The following NUP160 variants were observed in gnomAD, a reference collection of about 807,000 sequenced individuals.
NUP160 encodes nucleoporin 160.
In NUP160, 94 loss-of-function variants were observed where a neutral mutation model predicts 196.9. The ratio of observed to expected loss-of-function variants is 0.48; its 90% CI spans 0.40 to 0.57. The LOEUF (loss-of-function observed/expected upper bound fraction) is 0.57, where lower values mean the gene tolerates loss of function less well. NUP160 is among the 20% of genes least tolerant of loss of function. The pLI is 0.00. For synonymous variants in NUP160, 605 were observed against 619.7 expected (o/e 0.98, Z 0.35); for missense variants, 1,638 against 1,748.3 (o/e 0.94, Z 1.13).
At chr11:47,781,265 ACTTT>A (rs893544825) in intron 34 of NUP160, among the ~76,000 whole-genome samples, 50 of 151,444 alleles carry the variant, frequency 3.3e-4, no homozygotes, top group African/African-American at 2.7e-4. Context: ...TTTCATGTCA[ACTTT>A]CTTTTTTTTT....
rs144668213 is a variant in NUP160, at chr11:47,825,128, G to A, written c.1102-2964C>T. On this transcript the variant is annotated intron_variant, in intron 7 of 35. Coordinates refer to ENST00000378460, the Ensembl canonical transcript of NUP160. The stretch of plus-strand genomic sequence containing the variant: ...GGGATTACAGGCATGAGCCAACCGC[G>A]CCCAGCCGGACTTTTATTTTTTGTA... 2.3e-3 allele frequency among the ~76,000 whole-genome samples: 353 copies of A among 151,576 alleles called. 2 individuals carry two copies. The highest frequency in any genetic ancestry group is 8.0e-3 in the African/African-American group (331 of 41,332).
chr11:47,837,960 G>A (rs1852208458), intron 4 of NUP160, among the ~76,000 whole-genome samples: 1 of 152,192 alleles, frequency 6.6e-6, no homozygotes, highest in Non-Finnish European at 1.5e-5. Context: ...TAGTGACATA[G>A]CAGTAAACAA....
chr11:47,812,128 G>A (rs1391354560), exon 17 of NUP160: 6 of 1,614,112 alleles, frequency 3.7e-6, no homozygotes, highest in Non-Finnish European at 5.1e-6. Context: ...CAGGAAACGA[G>A]TACTGGCGAT....
intron 34 of NUP160, 91 bp from the exon 35 acceptor site, chr11:47,780,538 CCCT>C: frequency 1.5e-5 from 9 of 614,128 alleles, no homozygotes; most frequent in Non-Finnish European, 2.3e-5. Context: ...GAATAAAATA[CCCT>C]TTTTTTTTTT....
At chr11:47,825,059 T>C in intron 7 of NUP160, among the ~76,000 whole-genome samples, 1 of 152,058 alleles carries the variant, frequency 6.6e-6, no homozygotes, top group East Asian at 1.9e-4. Flanking sequence ...ATAGTCTCGA[T>C]CTTCTGACCT....
chr11:47,779,253 G>T, intron 35 of NUP160, 59 bp from the exon 36 acceptor site: 1 of 1,128,458 alleles, frequency 8.9e-7, no homozygotes, highest in Non-Finnish European at 1.3e-6. Flanking sequence ...AAATATTGAA[G>T]TTATTAATAA....
At chr11:47,785,582 T>C (rs2097664067) in intron 32 of NUP160, among the ~76,000 whole-genome samples, 1 of 152,216 alleles carries the variant, frequency 6.6e-6, no homozygotes, top group South Asian at 2.1e-4. Flanking sequence ...TATTTAGTAT[T>C]TAGTAAACAA....
exon 24 of NUP160, chr11:47,798,452 T>C: frequency 1.3e-6 from 2 of 1,585,294 alleles, no homozygotes; most frequent in African/African-American, 1.3e-5. Flanking sequence ...TGACATCTAG[T>C]AGTCGTAAAA....
Position 47,786,666 on chromosome 11 carries a change from A to C in NUP160, c.3747-112T>G. On this transcript the variant is annotated intron_variant, in intron 31 of 35. Transcript: ENST00000378460. ...AACTTCATCTCTAGTCTTTTGCTGA[A>C]TTCACTACTGGAATATTGGCTCATC... is the stretch of plus-strand genomic sequence containing the variant. 4 of 678,360 alleles carry C rather than the reference A, an allele frequency of 5.9e-6. No homozygotes were observed. In the South Asian group the frequency reaches 6.8e-5, roughly 12 times the overall value. 42.0% of individuals were successfully genotyped at this position (678,360 alleles called of 1,614,324 possible). A position where few individuals can be genotyped will look rare whatever the true frequency, so the allele number is the denominator to read the frequency against.
chr11:47,806,096 G>A, intron 20 of NUP160, 57 bp downstream of exon 20: 1 of 1,545,804 alleles, frequency 6.5e-7, no homozygotes, highest in South Asian at 1.1e-5. Context: ...TTACAGGTGT[G>A]AGCCAACATG....
At chr11:47,847,648 T>TGGGGGGG (rs56283744) in intron 2 of NUP160, among the ~76,000 whole-genome samples, 200 bp downstream of exon 2, 479 of 77,274 alleles carry the variant, frequency 6.2e-3, no homozygotes, top group Non-Finnish European at 8.0e-3. Flanking sequence ...TGTGTGGGGG[T>TGGGGGGG]GGGGGGGGGG....
At chr11:47,811,991 ATTT>A in intron 17 of NUP160, 70 bp downstream of exon 17, 1 of 1,413,314 alleles carries the variant, frequency 7.1e-7, no homozygotes, top group Non-Finnish European at 9.9e-7. Context: ...TAGGGCTGAC[ATTT>A]TGCTCCTAAG....
At chr11:47,815,720 T>A in intron 12 of NUP160, 71 bp from the exon 13 acceptor site, 1 of 1,314,876 alleles carries the variant, frequency 7.6e-7, no homozygotes, top group Non-Finnish European at 1.1e-6. Context: ...AAAAACATAA[T>A]TGTCCAATAT....
At position 47,788,708 on chromosome 11, in the gene NUP160, A is replaced by G. The variant is rs962936688; in HGVS notation, c.3512-97T>C. The stretch of plus-strand genomic sequence containing the variant: ...CAATTTCCACTGAACATTAAGTAAC[A>G]TTCAATCTAATTTCCAAATGCATGA... On this transcript the variant is annotated intron_variant, in intron 29 of 35. Transcript: ENST00000378460. 1.1e-5 allele frequency: 8 copies of G among 711,240 alleles called. No homozygotes were observed. The African/African-American group carries it at 1.4e-4, about 13-fold the overall frequency. The allele number at this position is 711,240 out of a possible 1,614,324, so 44.1% of individuals were successfully genotyped here.
At chr11:47,802,906 G>T (rs2097675071) in intron 22 of NUP160, among the ~76,000 whole-genome samples, 1 of 152,090 alleles carries the variant, frequency 6.6e-6, no homozygotes, top group South Asian at 2.1e-4. Flanking sequence ...AATCACTTGA[G>T]CCCAGGAGGT....
chr11:47,817,449 T>G (rs1340836404), intron 11 of NUP160, among the ~76,000 whole-genome samples: 1 of 151,698 alleles, frequency 6.6e-6, no homozygotes, highest in Admixed American at 6.6e-5. Context: ...TTCAAGAGAT[T>G]AATTCTTCTG....
chr11:47,813,076 G>A (rs750033636), intron 14 of NUP160, 29 bp from the exon 15 acceptor site: 1 of 1,478,128 alleles, frequency 6.8e-7, no homozygotes. Flanking sequence ...TAACATTTAT[G>A]TCTTAAGCCA....
chr11:47,846,375 G>A lies in NUP160; in HGVS notation c.314+1473C>T, dbSNP rs147544934. 3.0e-4 allele frequency among the ~76,000 whole-genome samples: 45 copies of A among 152,184 alleles called. 4 individuals carry two copies. In the East Asian group the frequency reaches 8.5e-3, roughly 29 times the overall value. On this transcript the variant is annotated intron_variant, in intron 2 of 35. Coordinates refer to ENST00000378460, the Ensembl canonical transcript of NUP160. ...AATGCCTACTTGACATTTCCAAAGG[G>A]CTGCTCCCCAGGTACTTCAAATTTA...
At chr11:47,833,931 T>C (rs1035347013) in intron 7 of NUP160, among the ~76,000 whole-genome samples, 1 of 152,252 alleles carries the variant, frequency 6.6e-6, no homozygotes, top group African/African-American at 2.4e-5. Flanking sequence ...CTTCACTCCA[T>C]GTGCCTTTTC....
Sources: allele counts gnomAD v4.1 joint callset (sites outside exome capture counted in the v4.1 genomes callset), GRCh38; gene constraint gnomAD v4.1.1; transcripts MANE v1.5; gene names NCBI Gene and HGNC (gene_info 2026-07-23, HGNC 2026-07-21).